TBL3: variants seen among roughly 807,000 people sequenced by gnomAD.
TBL3 encodes the protein transducin beta-like protein 3.
Under a neutral mutation model 102.7 loss-of-function variants are expected in TBL3, and 71 were observed. The ratio of observed to expected loss-of-function variants is 0.69; its 90% CI spans 0.57 to 0.84. TBL3 has a LOEUF of 0.84. TBL3 is among the 40% of genes least tolerant of loss of function. The pLI is 0.00. For synonymous variants in TBL3, 578 were observed against 477.7 expected, an observed-to-expected ratio of 1.21 and a Z score of -2.74; for missense variants, 1,188 against 1,098.5, an observed-to-expected ratio of 1.08 and a Z score of -1.15.
At chr16:1,973,347 G>A (rs978535005) in intron 1 of TBL3, among the ~76,000 whole-genome samples, 1 of 152,130 alleles carries the variant, frequency 6.6e-6, no homozygotes, top group Non-Finnish European at 1.5e-5. Flanking sequence ...GGAGAATGGC[G>A]TGAACCCGGG....
rs551978772 is a variant in TBL3 at position 1,973,633 on chromosome 16, A to G, written c.42-423A>G. ...GGGCAAGCCTGGGGATGGAGAGAGG[A>G]GTCAGGGAGGGGAAGAGGTATGCCA... is the stretch of plus-strand genomic sequence containing the variant. On this transcript the variant is annotated intron_variant, in intron 1 of 21. Coordinates refer to ENST00000568546, the MANE Select transcript of TBL3 (RefSeq NM_006453.3). Among the ~76,000 whole-genome samples the G allele has an allele frequency of 3.3e-5, 5 of 152,020 alleles. No homozygotes were observed. In the South Asian group the frequency reaches 1.0e-3, roughly 32 times the overall value.
chr16:1,979,733 G>C lies in TBL3; in HGVS notation c.*1048G>C. 1 of 1,375,494 alleles carries C rather than the reference G, an allele frequency of 7.3e-7. No homozygotes were observed. The highest frequency in any genetic ancestry group is 9.8e-7 in the Non-Finnish European group (1 of 1,020,904). The allele number at this position is 1,375,494 out of a possible 1,614,324, so 85.2% of individuals were successfully genotyped here. On this transcript the variant is annotated 3_prime_UTR_variant, in exon 22 of 22. Coordinates refer to ENST00000568546, the MANE Select transcript of TBL3 (RefSeq NM_006453.3). ...CCCTGCCCGCGGTGCTTCTGGCCCA[G>C]TCTTGCCACACGGTCAAGCCGCAGT... is the stretch of plus-strand genomic sequence containing the variant.
In TBL3 at chr16:1,980,514, G is replaced by C. The variant is rs767128210; in HGVS notation, c.*1829G>C. ...CTGCAGGCGCGCCAGGCCGCGGCTC[G>C]TGCGCCCCACGCGTCCCAACAGTGG... On this transcript the variant is annotated 3_prime_UTR_variant, in exon 22 of 22. Coordinates refer to ENST00000568546, the MANE Select transcript of TBL3 (RefSeq NM_006453.3). 13 of 1,603,012 alleles carry C rather than the reference G, an allele frequency of 8.1e-6. 1 individual carries two copies. The South Asian group carries it at 1.3e-4, about 16-fold the overall frequency.
Position 1,980,501 on chromosome 16 carries a change from C to T in TBL3, c.*1816C>T. The T allele has an allele frequency of 6.2e-7, 1 of 1,603,198 alleles. No individual in the cohort carries two copies. Among genetic ancestry groups the T allele is most frequent in the Non-Finnish European group, 8.5e-7 (1 of 1,179,526 alleles). ...AGGTTTCCAACAGCTGCAGGCGCGCCAGGCCGCGGCTCGTGCGCCCCACGC... is the reference window on the plus strand; with the variant it reads ...AGGTTTCCAACAGCTGCAGGCGCGCTAGGCCGCGGCTCGTGCGCCCCACGC... On this transcript the variant is annotated 3_prime_UTR_variant, in exon 22 of 22. Transcript: ENST00000568546.
Position 1,979,895 on chromosome 16 carries a change from G to C in TBL3, c.*1210G>C, listed in dbSNP as rs1227203287. The C allele has an allele frequency of 1.3e-6, 2 of 1,583,662 alleles. No homozygotes were observed. Among genetic ancestry groups the C allele is most frequent in the Admixed American group, 1.8e-5 (1 of 55,774 alleles). On this transcript the variant is annotated 3_prime_UTR_variant, in exon 22 of 22. Transcript: ENST00000568546. ...GTCTGCCGGTCTTCGTTCTCCACCA[G>C]CCACCAGCCTGTGCGCAAGAAGCGG... is the stretch of plus-strand genomic sequence containing the variant.
intron 7 of TBL3, 29 bp from the exon 8 acceptor site, chr16:1,975,158 T>G: frequency 2.5e-6 from 4 of 1,613,714 alleles, no homozygotes; most frequent in Non-Finnish European, 2.5e-6. Flanking sequence ...AGGCTAAGAC[T>G]TGACCTGAGG....
intron 1 of TBL3, among the ~76,000 whole-genome samples, chr16:1,973,824 C>G (rs552491194): frequency 5.9e-5 from 9 of 152,192 alleles, no homozygotes; most frequent in Non-Finnish European, 1.3e-4. Context: ...GGCCCACCCC[C>G]TACTGCCTCA....
Position 1,980,358 on chromosome 16 carries a change from G to A in TBL3, c.*1673G>A. 3 of 1,598,414 alleles carry A rather than the reference G, an allele frequency of 1.9e-6. No homozygotes were observed. The highest frequency in any genetic ancestry group is 2.5e-6 in the Non-Finnish European group (3 of 1,177,988). ...GCTGCATGCTGGGAGTTTGGGGCGA[G>A]TCAGGCACCTGCCGGGTGGCAGCGC... On this transcript the variant is annotated 3_prime_UTR_variant, in exon 22 of 22. Coordinates refer to ENST00000568546, the MANE Select transcript of TBL3 (RefSeq NM_006453.3).
At position 1,972,171 on chromosome 16, in the gene TBL3, G is replaced by A. The variant is rs1439364619; in HGVS notation, c.7G>A (p.Glu3Lys). ...GAGCGGCGGCGGCGGCAACATGGCA[G>A]AGACCGCGGCCGGAGTGGGCCGCTT... MA[E>K]TAAGVGRFKT... Residue 3 changes from glutamate to lysine, a missense_variant, in exon 1 of 22, where the codon GAG (glutamate) becomes AAG (lysine). Physicochemically the swap from Glu to Lys is moderately conservative, Grantham distance 56. Coordinates refer to ENST00000568546, the MANE Select transcript of TBL3 (RefSeq NM_006453.3). 1 of 1,447,624 alleles carries A rather than the reference G, an allele frequency of 6.9e-7. No individual in the cohort carries two copies. The allele number at this position is 1,447,624 out of a possible 1,614,324, so 89.7% of individuals were successfully genotyped here. A position where few individuals can be genotyped will look rare whatever the true frequency, so the allele number is the denominator to read the frequency against.
rs1337847782 is a variant in TBL3 at position 1,975,638 on chromosome 16, C to T, written c.915C>T (p.Gly305=). ...LTHCTLAHTA[G]VVLTATADHN... ...ACTGCACCCTGGCACACACCGCCGG[C>T]GTGGTCCTCACCGCCACCGCCGACC... Residue 305 remains glycine (G), a synonymous_variant, in exon 10 of 22, where the codon GGC becomes GGT. Coordinates refer to ENST00000568546, the MANE Select transcript of TBL3 (RefSeq NM_006453.3). 40 of 1,605,022 alleles carry T rather than the reference C, an allele frequency of 2.5e-5. No homozygotes were observed. Among genetic ancestry groups the T allele is most frequent in the Non-Finnish European group, 2.7e-5 (32 of 1,179,860 alleles).
chr16:1,976,580 C>T (rs903002592), intron 13 of TBL3, among the ~76,000 whole-genome samples: 8 of 152,210 alleles, frequency 5.3e-5, no homozygotes, highest in African/African-American at 1.9e-4. Context: ...GGAGAGGTGA[C>T]CCCTGCATGT....
rs1567326877 is a variant in TBL3, at chr16:1,978,172, T to G, written c.2086T>G (p.Cys696Gly). ...AGCCATCCGGAGGGACCCTGAGGCCTGCGAGAAGCTGGAAGCCACCATGCT... is the reference window on the plus strand; with the variant it reads ...AGCCATCCGGAGGGACCCTGAGGCCGGCGAGAAGCTGGAAGCCACCATGCT... ...IQAIRRDPEA[C>G]EKLEATMLRL... The change falls in exon 20 of 22, where the codon TGC becomes GGC. Residue 696 changes from cysteine (C) to glycine (G), a missense_variant. By Grantham distance (159) the Cys-to-Gly change is radical. Coordinates refer to ENST00000568546, the MANE Select transcript of TBL3 (RefSeq NM_006453.3). 20 of 1,612,746 alleles carry G rather than the reference T, an allele frequency of 1.2e-5. No homozygotes were observed. Among genetic ancestry groups the G allele is most frequent in the Non-Finnish European group, 1.7e-5 (20 of 1,179,874 alleles).
At position 1,978,859 on chromosome 16, in the gene TBL3, C is replaced by T; in HGVS notation, c.*174C>T. ...TGGTCTCGGCCCTGCCACGCCCATC[C>T]CGCACCCTGGCCTGGCAGAGATCCA... On this transcript the variant is annotated 3_prime_UTR_variant, in exon 22 of 22. Coordinates refer to ENST00000568546, the MANE Select transcript of TBL3 (RefSeq NM_006453.3). 1.8e-6 allele frequency: 2 copies of T among 1,106,744 alleles called. No homozygotes were observed. The highest frequency in any genetic ancestry group is 2.5e-6 in the Non-Finnish European group (2 of 785,534). 68.6% of individuals were successfully genotyped at this position (1,106,744 alleles called of 1,614,324 possible).
Position 1,978,909 on chromosome 16 carries a change from G to C in TBL3, c.*224G>C, listed in dbSNP as rs760095550. 4 of 1,102,882 alleles carry C rather than the reference G, an allele frequency of 3.6e-6. No individual in the cohort carries two copies. In the Admixed American group the frequency reaches 8.3e-5, roughly 23 times the overall value. 68.3% of individuals were successfully genotyped at this position (1,102,882 alleles called of 1,614,324 possible). Reference sequence around the variant, plus strand: ...AGCCCGCGGCTCCGCACGCTTAGACGGTGGGGGTCATGCAGAACAAGCTTT... The same window carrying C: ...AGCCCGCGGCTCCGCACGCTTAGACCGTGGGGGTCATGCAGAACAAGCTTT... On this transcript the variant is annotated 3_prime_UTR_variant, in exon 22 of 22. Coordinates refer to ENST00000568546, the MANE Select transcript of TBL3 (RefSeq NM_006453.3).
chr16:1,980,001 G>A lies in TBL3; in HGVS notation c.*1316G>A. On this transcript the variant is annotated 3_prime_UTR_variant, in exon 22 of 22. Coordinates refer to ENST00000568546, the MANE Select transcript of TBL3 (RefSeq NM_006453.3). Reference sequence around the variant, plus strand: ...TGGGTTCTTGGGGGGCCCTACCTGAGGGGTGCCGCAGCAGCACGTCCAGGC... The same window carrying A: ...TGGGTTCTTGGGGGGCCCTACCTGAAGGGTGCCGCAGCAGCACGTCCAGGC... 1.2e-6 allele frequency: 2 copies of A among 1,602,632 alleles called. No individual in the cohort carries two copies. The highest frequency in any genetic ancestry group is 1.7e-6 in the Non-Finnish European group (2 of 1,175,774).
intron 18 of TBL3, 27 bp downstream of exon 18, chr16:1,977,827 C>T: frequency 6.4e-7 from 1 of 1,559,670 alleles, no homozygotes; most frequent in Non-Finnish European, 8.7e-7. Context: ...GGCGCCCCTC[C>T]CCGCATCAGC....
At position 1,976,953 on chromosome 16, in the gene TBL3, CATG is replaced by C; in HGVS notation, c.1435_1437del (p.Asp479del). 6.2e-7 allele frequency: 1 copy of C among 1,613,892 alleles called. No homozygotes were observed. Among genetic ancestry groups the C allele is most frequent in the South Asian group, 1.1e-5 (1 of 91,086 alleles). ...GCAGGCCCAGACCACTCAGCGCTGC[CATG>C]ATAAGGTGACTCCATAGCCACTGGG... On this transcript the variant is annotated inframe_deletion, in exon 14 of 22. Coordinates refer to ENST00000568546, the MANE Select transcript of TBL3 (RefSeq NM_006453.3).
Position 1,977,616 on chromosome 16 carries a change from G to A in TBL3, c.1845G>A (p.Arg615=), listed in dbSNP as rs1338983697. 1 of 1,557,838 alleles carries A rather than the reference G, an allele frequency of 6.4e-7. No homozygotes were observed. The stretch of plus-strand genomic sequence containing the variant: ...AGGTCTGGGGGCTGCACTGCAGCCG[G>A]CTGGACGACCACGCCCTCACTGGGG... ...EDKVWGLHCS[R]LDDHALTGAS... is the part of the protein sequence containing the mutation. Residue 615 remains arginine, a synonymous_variant, in exon 17 of 22, where the codon CGG becomes CGA. Coordinates refer to ENST00000568546, the MANE Select transcript of TBL3 (RefSeq NM_006453.3).
At position 1,972,180 on chromosome 16, in the gene TBL3, G is replaced by A. The variant is rs2150881124; in HGVS notation, c.16G>A (p.Ala6Thr). ...CGGCGGCAACATGGCAGAGACCGCG[G>A]CCGGAGTGGGCCGCTTCAAGACCAA... MAETA[A>T]GVGRFKTNYA... Residue 6 changes from alanine (A) to threonine (T), a missense_variant, in exon 1 of 22, where the codon GCC becomes ACC. Physicochemically the swap from Ala to Thr is moderately conservative, Grantham distance 58 (BLOSUM62 0). Transcript: ENST00000568546. 1.4e-6 allele frequency: 2 copies of A among 1,428,240 alleles called. No homozygotes were observed. The highest frequency in any genetic ancestry group is 6.0e-5 in the East Asian group (2 of 33,312). The allele number at this position is 1,428,240 out of a possible 1,614,324, so 88.5% of individuals were successfully genotyped here. A position where few individuals can be genotyped will look rare whatever the true frequency, so the allele number is the denominator to read the frequency against.
Sources: allele counts gnomAD v4.1 joint callset (sites outside exome capture counted in the v4.1 genomes callset), GRCh38; gene constraint gnomAD v4.1.1; transcripts MANE v1.5; gene names NCBI Gene and HGNC (gene_info 2026-07-23, HGNC 2026-07-21).